GRM7: variants seen among roughly 807,000 people sequenced by gnomAD.
GRM7 encodes metabotropic glutamate receptor 7.
A neutral mutation model predicts 84.5 loss-of-function variants in GRM7; 35 were observed. The ratio of observed to expected loss-of-function variants is 0.41; its 90% CI spans 0.32 to 0.55. The LOEUF is 0.55. GRM7 is among the 20% of genes least tolerant of loss of function. The pLI is 0.19. For synonymous variants in GRM7, 487 were observed against 455.1 expected, an observed-to-expected ratio of 1.07 and a Z score of -0.89; for missense variants, 1,003 against 1,194.6, an observed-to-expected ratio of 0.84 and a Z score of 2.36.
intron 7 of GRM7, chr3:7,560,292 G>A (rs150960688): frequency 4.6e-5 from 7 of 151,970 alleles, no homozygotes; most frequent in African/African-American, 1.2e-4. Flanking sequence ...CCTTTCTTCT[G>A]CTTTTCTGGA....
intron 1 of GRM7, among the ~76,000 whole-genome samples, chr3:6,970,918 G>C (rs530602320): frequency 3.9e-5 from 6 of 152,028 alleles, no homozygotes; most frequent in South Asian, 2.1e-4. Context: ...GGAGGCTGAG[G>C]TTGCAGTGAG....
chr3:7,540,976 C>G (rs1360978139), intron 7 of GRM7, among the ~76,000 whole-genome samples: 1 of 151,930 alleles, frequency 6.6e-6, no homozygotes, highest in African/African-American at 2.4e-5. Flanking sequence ...ATAGATTATT[C>G]AATATGTTAA....
intron 9 of GRM7, among the ~76,000 whole-genome samples, chr3:7,738,237 C>A (rs1373332246): frequency 6.6e-6 from 1 of 152,100 alleles, no homozygotes; most frequent in African/African-American, 2.4e-5. Context: ...TGAATCAGAA[C>A]CCAGGTCAGG....
chr3:7,280,916 G>A (rs986463586), intron 2 of GRM7, among the ~76,000 whole-genome samples: 2 of 152,086 alleles, frequency 1.3e-5, no homozygotes, highest in Non-Finnish European at 1.5e-5. Flanking sequence ...ATCATCCCGA[G>A]ACTTTCAGGT....
At chr3:7,259,093 C>A (rs1202100257) in intron 2 of GRM7, among the ~76,000 whole-genome samples, 1 of 152,166 alleles carries the variant, frequency 6.6e-6, no homozygotes, top group Non-Finnish European at 1.5e-5. Flanking sequence ...GTGATCACAG[C>A]CTTTCATAGA....
At chr3:7,665,318 C>T (rs1317207611) in intron 8 of GRM7, among the ~76,000 whole-genome samples, 1 of 151,784 alleles carries the variant, frequency 6.6e-6, no homozygotes, top group Non-Finnish European at 1.5e-5. Context: ...ACTACAGGTG[C>T]CCGCCACCGC....
chr3:7,527,711 T>C (rs1325163411), intron 7 of GRM7, among the ~76,000 whole-genome samples: 1 of 152,092 alleles, frequency 6.6e-6, no homozygotes, highest in Non-Finnish European at 1.5e-5. Context: ...CTTTGATGCC[T>C]AGTTTTTTAG....
chr3:7,013,181 T>TTC (rs1695443239), intron 1 of GRM7, among the ~76,000 whole-genome samples: 1 of 151,296 alleles, frequency 6.6e-6, no homozygotes, highest in Admixed American at 6.6e-5. Context: ...CTTAAATAAA[T>TTC]GTCCTTATAA....
intron 2 of GRM7, among the ~76,000 whole-genome samples, chr3:7,186,079 G>T (rs183299698): frequency 6.6e-6 from 1 of 152,294 alleles, no homozygotes; most frequent in Admixed American, 6.5e-5. Context: ...GCATAGATAT[G>T]TCTTCCGTCA....
chr3:6,985,216 C>T (rs1694364574), intron 1 of GRM7, among the ~76,000 whole-genome samples: 1 of 152,136 alleles, frequency 6.6e-6, no homozygotes, highest in Non-Finnish European at 1.5e-5. Flanking sequence ...CTTTGAGTTA[C>T]AAACAATCCA....
intron 8 of GRM7, among the ~76,000 whole-genome samples, chr3:7,647,983 T>A (rs1698730876): frequency 6.6e-6 from 1 of 152,196 alleles, no homozygotes; most frequent in Non-Finnish European, 1.5e-5. Flanking sequence ...AAACAGAGTA[T>A]TTCCACCAGA....
chr3:7,334,481 A>C (rs1701326574), intron 4 of GRM7, among the ~76,000 whole-genome samples: 2 of 21,702 alleles, frequency 9.2e-5, no homozygotes. Context: ...GGGACCCACA[A>C]AAAAAATAGA....
rs74875386 is a variant in GRM7 at position 7,428,785 on chromosome 3, T to C, written c.1174+13622T>C. On this transcript the variant is annotated intron_variant, in intron 5 of 9. Coordinates refer to ENST00000357716, the MANE Select transcript of GRM7 (RefSeq NM_000844.4). ...GTGACCCCAGAATAATAATAAGAAA[T>C]TCAGGTACCTTTAAACTGTATTTTT... Among the ~76,000 whole-genome samples the C allele has an allele frequency of 1.1e-4, 17 of 152,266 alleles. 1 individual carries two copies. In the East Asian group the frequency reaches 3.1e-3, roughly 28 times the overall value.
intron 1 of GRM7, among the ~76,000 whole-genome samples, chr3:7,125,028 C>A (rs1009746840): frequency 6.6e-6 from 1 of 152,148 alleles, no homozygotes; most frequent in African/African-American, 2.4e-5. Flanking sequence ...CAACCTCCGC[C>A]ACCTGGGTTC....
intron 1 of GRM7, among the ~76,000 whole-genome samples, chr3:7,095,863 G>C (rs1166750710): frequency 6.6e-6 from 1 of 152,030 alleles, no homozygotes; most frequent in Non-Finnish European, 1.5e-5. Context: ...TGTTGAAAAT[G>C]TGAATTACTA....
chr3:7,193,892 A>G (rs1462671386), intron 2 of GRM7, among the ~76,000 whole-genome samples: 2 of 152,130 alleles, frequency 1.3e-5, no homozygotes, highest in African/African-American at 2.4e-5. Flanking sequence ...GATGACATCC[A>G]TTAGTGTGGA....
At chr3:7,562,395 C>T (rs758838262) in intron 7 of GRM7, among the ~76,000 whole-genome samples, 18 of 151,910 alleles carry the variant, frequency 1.2e-4, no homozygotes, top group Non-Finnish European at 2.2e-4. Context: ...TTGACTATTA[C>T]CCCTCTAAAA....
rs574975343 is a variant in GRM7 at position 7,053,225 on chromosome 3, C to CT, written c.520-93218dup. On this transcript the variant is annotated intron_variant, in intron 1 of 9. Coordinates refer to ENST00000357716, the MANE Select transcript of GRM7 (RefSeq NM_000844.4). ...TTTTGGTAAAATGTCTATTCAAATC[C>CT]TTTTTTTTTACTTTAGTTATCTTAT... Among the ~76,000 whole-genome samples, 1,217 of 149,114 alleles carry CT rather than the reference C, an allele frequency of 8.2e-3. 4 individuals are homozygous for CT. The highest frequency in any genetic ancestry group is 0.012 in the African/African-American group (510 of 40,804).
intron 2 of GRM7, among the ~76,000 whole-genome samples, chr3:7,251,524 T>A (rs962756477): frequency 6.6e-6 from 1 of 152,198 alleles, no homozygotes; most frequent in Non-Finnish European, 1.5e-5. Flanking sequence ...TTCTATGATA[T>A]CACTATAATA....
Sources: gnomAD v4.1 joint callset for allele counts (sites outside exome capture counted in the v4.1 genomes callset) on GRCh38, gnomAD v4.1.1 for gene constraint, MANE v1.5 for transcripts, NCBI Gene and HGNC (gene_info 2026-07-23, HGNC 2026-07-21) for gene names.